The following ATG7 variants were observed in gnomAD, a reference collection of about 807,000 sequenced individuals.
The protein encoded by ATG7 is ubiquitin-like modifier-activating enzyme ATG7.
ATG7 carries 70 observed loss-of-function variants against 82.4 expected under a neutral mutation model. That is an observed-to-expected ratio of 0.85 (90% CI 0.70 to 1.04). The LOEUF is 1.04. Among genes scored for constraint, ATG7 ranks in the 50% least tolerant of loss-of-function variants. ATG7 has a pLI of 0.00. For missense variants in ATG7, 792 were observed against 864.3 expected (o/e 0.92, Z 1.05); for synonymous variants, 287 against 313.0 (o/e 0.92, Z 0.88).
intron 20 of ATG7, among the ~76,000 whole-genome samples, chr3:11,523,154 G>A (rs2092485012): frequency 6.6e-6 from 1 of 152,158 alleles, no homozygotes; most frequent in Non-Finnish European, 1.5e-5. Context: ...ACATCCCCAG[G>A]TTGTAAGGAT....
chr3:11,372,241 A>G (rs2077049041), intron 18 of ATG7, among the ~76,000 whole-genome samples: 2 of 151,192 alleles, frequency 1.3e-5, no homozygotes, highest in Admixed American at 1.3e-4. Context: ...TGTGATTCCC[A>G]GGTGGGTTTT....
chr3:11,557,993 C>T (rs1043365380), downstream of ATG7: 3 of 155,338 alleles, frequency 1.9e-5, no homozygotes, highest in African/African-American at 7.3e-5. Flanking sequence ...ATCCTTAAAC[C>T]CTTTGTTTTT....
At chr3:11,353,936 T>G in intron 14 of ATG7, among the ~76,000 whole-genome samples, 1 of 152,242 alleles carries the variant, frequency 6.6e-6, no homozygotes, top group East Asian at 1.9e-4. Flanking sequence ...GAGCACCCTT[T>G]ACCCTGCTTC....
At chr3:11,493,245 C>G (rs1451233755) in intron 20 of ATG7, among the ~76,000 whole-genome samples, 1 of 152,212 alleles carries the variant, frequency 6.6e-6, no homozygotes, top group African/African-American at 2.4e-5. Context: ...TGCCCCTCTT[C>G]TCCAAAGTCA....
chr3:11,311,094 G>T (rs966558835), intron 7 of ATG7, among the ~76,000 whole-genome samples: 1 of 152,036 alleles, frequency 6.6e-6, no homozygotes, highest in Non-Finnish European at 1.5e-5. Flanking sequence ...AAGTTTTAAG[G>T]TTTGCCTAGA....
chr3:11,471,388 T>C (rs2087503186), intron 20 of ATG7, among the ~76,000 whole-genome samples: 1 of 152,238 alleles, frequency 6.6e-6, no homozygotes, highest in South Asian at 2.1e-4. Context: ...ATTGTCATTA[T>C]GTGTGAGCTC....
intron 20 of ATG7, among the ~76,000 whole-genome samples, chr3:11,528,321 C>A (rs926214658): frequency 4.6e-5 from 7 of 152,252 alleles, no homozygotes; most frequent in African/African-American, 1.7e-4. Context: ...ATGGCACATA[C>A]TTTAAAAAAA....
In ATG7 at chr3:11,360,558, C is replaced by T. The variant is rs762133332; in HGVS notation, c.1480-23C>T. 1.5e-5 allele frequency: 24 copies of T among 1,607,328 alleles called. No individual in the cohort carries two copies. The East Asian group carries it at 5.1e-4, about 34-fold the overall frequency. On this transcript the variant is annotated intron_variant, in intron 15 of 20. Transcript: ENST00000693202. ...AATATATGTGTCTTTTAACTCTGCT[C>T]TTTCATTCCTTGAAACCTGCAGCTG...
In ATG7 at chr3:11,521,807, T is replaced by C. The variant is rs369365717; in HGVS notation, c.2080-33004T>C. Among the ~76,000 whole-genome samples, 17 of 151,738 alleles carry C rather than the reference T, an allele frequency of 1.1e-4. No homozygotes were observed. In the South Asian group the frequency reaches 3.4e-3, roughly 30 times the overall value. ...GACCTTGTGATCCGCCTGCCTCAGC[T>C]TCCCAAAGTGCTGGGATTACAGGTG... On this transcript the variant is annotated intron_variant, in intron 20 of 20. Coordinates refer to ENST00000693202, the MANE Select transcript of ATG7 (RefSeq NM_001349232.2).
Position 11,554,955 on chromosome 3 carries a change from C to G in ATG7, c.*112C>G, listed in dbSNP as rs2072264124. On this transcript the variant is annotated 3_prime_UTR_variant, in exon 21 of 21. Coordinates refer to ENST00000693202, the MANE Select transcript of ATG7 (RefSeq NM_001349232.2). ...GGTGATTCTGGGCCCCTCCTCCATA[C>G]CCCGAGGTCTGGGATTCCCCCCTCT... 7.3e-7 allele frequency: 1 copy of G among 1,372,032 alleles called. No homozygotes were observed. The highest frequency in any genetic ancestry group is 1.9e-4 in the Middle Eastern group (1 of 5,350). The allele number at this position is 1,372,032 out of a possible 1,614,324, so 85.0% of individuals were successfully genotyped here.
intron 3 of ATG7, chr3:11,290,506 G>A: frequency 3.0e-6 from 1 of 338,160 alleles, no homozygotes; most frequent in Non-Finnish European, 5.7e-6. Flanking sequence ...TTTTACTTTT[G>A]GTAGTGGATC....
At chr3:11,515,535 T>A (rs1177749950) in intron 20 of ATG7, among the ~76,000 whole-genome samples, 1 of 151,848 alleles carries the variant, frequency 6.6e-6, no homozygotes, top group Non-Finnish European at 1.5e-5. Flanking sequence ...AACTCCTGAT[T>A]ACAGGTGGGA....
chr3:11,384,465 C>G (rs769748361), intron 19 of ATG7, among the ~76,000 whole-genome samples: 1 of 152,136 alleles, frequency 6.6e-6, no homozygotes, highest in Non-Finnish European at 1.5e-5. Context: ...GATTAAACTC[C>G]TCAAAGTGAC....
chr3:11,357,366 G>T (rs1379672413), intron 14 of ATG7, among the ~76,000 whole-genome samples: 5 of 152,138 alleles, frequency 3.3e-5, no homozygotes. Context: ...TCCCAATTCA[G>T]GGGAACTCAG....
intron 20 of ATG7, among the ~76,000 whole-genome samples, chr3:11,522,378 A>G (rs2092464745): frequency 6.6e-6 from 1 of 152,186 alleles, no homozygotes; most frequent in Non-Finnish European, 1.5e-5. Context: ...CCTTTCTGCT[A>G]ACTATAGGTG....
intron 20 of ATG7, among the ~76,000 whole-genome samples, chr3:11,513,457 C>T (rs1309922791): frequency 6.6e-6 from 1 of 152,242 alleles, no homozygotes; most frequent in African/African-American, 2.4e-5. Flanking sequence ...CTGGGGGACC[C>T]AGCGCACCCT....
chr3:11,318,782 C>G (rs1949799183), intron 9 of ATG7, among the ~76,000 whole-genome samples: 3 of 152,190 alleles, frequency 2.0e-5, no homozygotes, highest in Admixed American at 2.0e-4. Context: ...AATGCCGCAG[C>G]TTCCCCCATC....
intron 19 of ATG7, among the ~76,000 whole-genome samples, chr3:11,420,997 C>T (rs984051554): frequency 5.9e-5 from 9 of 152,028 alleles, no homozygotes; most frequent in East Asian, 5.8e-4. Flanking sequence ...CCTCGTGATC[C>T]GCCTGCCTCA....
intron 20 of ATG7, among the ~76,000 whole-genome samples, chr3:11,535,567 G>A (rs528339793): frequency 1.2e-4 from 18 of 152,282 alleles, no homozygotes; most frequent in Admixed American, 3.9e-4. Flanking sequence ...CCAGTGAACC[G>A]AGGGGACAGC....
Sources: gnomAD v4.1 joint callset for allele counts (sites outside exome capture counted in the v4.1 genomes callset) on GRCh38, gnomAD v4.1.1 for gene constraint, MANE v1.5 for transcripts, NCBI Gene and HGNC (gene_info 2026-07-23, HGNC 2026-07-21) for gene names.